SLC2A9: variants seen among roughly 807,000 people sequenced by gnomAD.
SLC2A9 encodes solute carrier family 2 member 9, also known as solute carrier family 2, facilitated glucose transporter member 9.
A neutral mutation model predicts 50.6 loss-of-function variants in SLC2A9; 39 were observed. That is an observed-to-expected ratio of 0.77 (90% CI 0.60 to 1.01). The LOEUF is 1.01. SLC2A9 is among the 50% of genes least tolerant of loss of function. The probability of loss-of-function intolerance (pLI) is 0.00; values close to 1 mark genes in which losing one functional copy is unlikely to be tolerated. For synonymous variants in SLC2A9, 324 were observed against 276.9 expected (o/e 1.17, Z -1.69); for missense variants, 686 against 677.6 (o/e 1.01, Z -0.14).
chr4:9,940,680 TA>T (rs1560347783), intron 6 of SLC2A9, among the ~76,000 whole-genome samples: 1 of 152,200 alleles, frequency 6.6e-6, no homozygotes, highest in Admixed American at 6.5e-5. Flanking sequence ...TAATAACAAT[TA>T]CCTTCTCTGA....
intron 3 of SLC2A9, chr4:9,782,939 G>T (rs750777632): frequency 9.9e-6 from 16 of 1,613,804 alleles, no homozygotes; most frequent in Non-Finnish European, 1.4e-5. Context: ...GATCATGGGG[G>T]TCTTCGTGTG....
intron 5 of SLC2A9, among the ~76,000 whole-genome samples, chr4:9,973,471 T>C (rs538545879): frequency 6.6e-6 from 1 of 151,854 alleles, no homozygotes; most frequent in Non-Finnish European, 1.5e-5. Context: ...TACCAAAACC[T>C]GGCAAAGATA....
intron 1 of SLC2A9, among the ~76,000 whole-genome samples, chr4:10,032,306 G>A (rs1334113102): frequency 3.3e-5 from 5 of 152,120 alleles, no homozygotes; most frequent in Non-Finnish European, 7.4e-5. Flanking sequence ...GTTGGGTGGG[G>A]GTCCAGGCAG....
At chr4:9,800,043 C>T (rs1721180915) in intron 3 of SLC2A9, among the ~76,000 whole-genome samples, 1 of 152,112 alleles carries the variant, frequency 6.6e-6, no homozygotes. Flanking sequence ...AAGAGATGAG[C>T]TCAGAAAAGA....
At chr4:9,924,198 C>T (rs961506630) in intron 6 of SLC2A9, 1 of 152,228 alleles carries the variant, frequency 6.6e-6, no homozygotes, top group African/African-American at 2.4e-5. Context: ...AAAGACAGAA[C>T]CTGGTGCTTC....
intron 3 of SLC2A9, among the ~76,000 whole-genome samples, chr4:9,791,500 G>A (rs1467139985): frequency 1.3e-5 from 2 of 152,202 alleles, no homozygotes. Context: ...ATGCTGAAGG[G>A]GGAGGAGATT....
chr4:9,782,110 G>A, intron 3 of SLC2A9: 1 of 1,546,486 alleles, frequency 6.5e-7, no homozygotes, highest in Non-Finnish European at 8.7e-7. Context: ...GGAACGCCGT[G>A]GGGGGCTCGG....
intron 11 of SLC2A9, among the ~76,000 whole-genome samples, chr4:9,828,525 A>G (rs1725507840): frequency 6.6e-6 from 1 of 151,910 alleles, no homozygotes. Context: ...TGTCCCTCTT[A>G]TTTCTCTGAT....
At chr4:10,025,859 A>G, upstream of SLC2A9, 2 of 1,589,018 alleles carry the variant, frequency 1.3e-6, no homozygotes, top group Non-Finnish European at 1.7e-6. Context: ...CCCCTGGGTG[A>G]CCGGAATAAT....
At chr4:9,928,417 T>C (rs1745296801) in intron 6 of SLC2A9, among the ~76,000 whole-genome samples, 2 of 152,198 alleles carry the variant, frequency 1.3e-5, no homozygotes, top group South Asian at 4.1e-4. Context: ...CAAAGTTATA[T>C]ACACAGATCA....
downstream of SLC2A9, among the ~76,000 whole-genome samples, chr4:9,775,773 T>C (rs1717471344): frequency 6.6e-6 from 1 of 152,192 alleles, no homozygotes; most frequent in African/African-American, 2.4e-5. Flanking sequence ...CGCAAAACCA[T>C]GAGACAATTC....
At chr4:9,867,747 G>T (rs558167309) in intron 10 of SLC2A9, among the ~76,000 whole-genome samples, 122 of 152,330 alleles carry the variant, frequency 8.0e-4, no homozygotes, top group Non-Finnish European at 1.3e-3. Context: ...GACTGCCTGG[G>T]AGAGAGATGG....
Position 9,826,420 on chromosome 4 carries a change from C to T in SLC2A9, c.1600G>A (p.Gly534Ser), listed in dbSNP as rs772063328. ...TGTTAAGGCCTTCCATTTATCTTACCATCAGTGACAGCTGAGTCGATTTTC... is the reference window on the plus strand; with the variant it reads ...TGTTAAGGCCTTCCATTTATCTTACTATCAGTGACAGCTGAGTCGATTTTC... ...EEKIDSAVTDGKINGRP is the reference protein window; with the variant it reads ...EEKIDSAVTDSKINGRP The change falls in exon 12 of 12, where the codon GGT (glycine) becomes AGT (serine). Residue 534 changes from glycine (G) to serine (S), a missense_variant. Transcript: ENST00000264784. 1.9e-6 allele frequency: 3 copies of T among 1,613,842 alleles called. No homozygotes were observed. The highest frequency in any genetic ancestry group is 1.7e-5 in the Admixed American group (1 of 59,994).
chr4:9,899,941 G>A (rs150599252), intron 8 of SLC2A9, among the ~76,000 whole-genome samples: 69 of 152,274 alleles, frequency 4.5e-4, no homozygotes, highest in African/African-American at 1.5e-3. Context: ...CGTAGCTTCT[G>A]CAGTTTCTAA....
At chr4:10,000,661 C>T (rs1759627429) in intron 2 of SLC2A9, among the ~76,000 whole-genome samples, 1 of 152,182 alleles carries the variant, frequency 6.6e-6, no homozygotes, top group South Asian at 2.1e-4. Context: ...CTTGGCCTCT[C>T]ATAGGTCTCT....
intron 1 of SLC2A9, among the ~76,000 whole-genome samples, chr4:9,773,592 T>G (rs1717129813): frequency 6.6e-6 from 1 of 152,258 alleles, no homozygotes; most frequent in Admixed American, 6.5e-5. Flanking sequence ...TAGCACAATT[T>G]TGCAGGAGCC....
At position 9,868,486 on chromosome 4, in the gene SLC2A9, C is replaced by A. The variant is rs535712849; in HGVS notation, c.1291+19081G>T. 1.1e-3 allele frequency among the ~76,000 whole-genome samples: 172 copies of A among 152,330 alleles called. 1 individual carries two copies. In the South Asian group the frequency reaches 0.019, roughly 17 times the overall value. On this transcript the variant is annotated intron_variant, in intron 10 of 11. Transcript: ENST00000264784. Reference sequence around the variant, plus strand: ...CTTCTTCCCCAGAATTGTTTACTACCCTGAAGGGGAAATGCTATCCACCCA... The same window carrying A: ...CTTCTTCCCCAGAATTGTTTACTACACTGAAGGGGAAATGCTATCCACCCA...
chr4:9,841,196 T>C (rs1248057416), intron 10 of SLC2A9, among the ~76,000 whole-genome samples: 4 of 152,220 alleles, frequency 2.6e-5, no homozygotes, highest in South Asian at 2.1e-4. Context: ...CTTCTTATGT[T>C]ATACCTTTGA....
chr4:9,947,209 G>A (rs1749348105), intron 5 of SLC2A9, among the ~76,000 whole-genome samples: 1 of 152,154 alleles, frequency 6.6e-6, no homozygotes, highest in Non-Finnish European at 1.5e-5. Context: ...ACTTTCCGAG[G>A]GTTCTGGAGT....
Sources: gnomAD v4.1 joint callset for allele counts (sites outside exome capture counted in the v4.1 genomes callset) on GRCh38, gnomAD v4.1.1 for gene constraint, MANE v1.5 for transcripts, NCBI Gene and HGNC (gene_info 2026-07-23, HGNC 2026-07-21) for gene names.